LRRC37A: variants seen among roughly 807,000 people sequenced by gnomAD.
LRRC37A encodes leucine-rich repeat-containing protein 37A.
In LRRC37A, 3 loss-of-function variants were observed where a neutral mutation model predicts 35.4. The ratio of observed to expected loss-of-function variants is 0.08; its 90% confidence interval spans 0.04 to 0.22. LRRC37A has a LOEUF of 0.22. Ranked by LOEUF, LRRC37A falls within the 10% of genes least tolerant of loss-of-function variation. LRRC37A has a pLI of 1.00. For missense variants in LRRC37A, 67 were observed against 565.3 expected (o/e 0.12, Z 8.94); for synonymous variants, 23 against 215.0 (o/e 0.11, Z 7.81).
chr17:46,271,609 C>T, the LRRC37A span, among the ~76,000 whole-genome samples: 1 of 152,156 alleles, frequency 6.6e-6, no homozygotes, highest in Admixed American at 6.5e-5. Flanking sequence ...GAGAGTTTGC[C>T]TAAAGGAATT....
At chr17:46,289,783 T>C (rs1448042205), upstream of LRRC37A, among the ~76,000 whole-genome samples, 1 of 152,284 alleles carries the variant, frequency 6.6e-6, no homozygotes, top group Non-Finnish European at 1.5e-5. Context: ...AAAGAGTTTT[T>C]AATTTTTTTA....
chr17:46,264,142 C>A, the LRRC37A span, among the ~76,000 whole-genome samples: 1 of 146,278 alleles, frequency 6.8e-6, no homozygotes, highest in African/African-American at 2.5e-5. Context: ...ACCACCTCAG[C>A]TGACTTTTTT....
the LRRC37A span, chr17:46,259,824 C>T: frequency 1.1e-5 from 17 of 1,559,390 alleles, no homozygotes; most frequent in South Asian, 1.2e-5. Context: ...TTCGTTGGCA[C>T]AGCAACTGCA....
the LRRC37A span, among the ~76,000 whole-genome samples, chr17:46,277,653 C>CT: frequency 0.016 from 2,153 of 137,796 alleles, 44 homozygotes; most frequent in African/African-American, 0.043. Context: ...TTCTTTCTTT[C>CT]TTTTTTTTTT....
chr17:46,274,424 T>G, the LRRC37A span, among the ~76,000 whole-genome samples: 30 of 152,354 alleles, frequency 2.0e-4, no homozygotes, highest in African/African-American at 7.2e-4. Flanking sequence ...TTGATTTTAA[T>G]CTACCATGAA....
the LRRC37A span, among the ~76,000 whole-genome samples, chr17:46,249,780 A>C: frequency 1.3e-5 from 2 of 152,242 alleles, no homozygotes; most frequent in African/African-American, 4.8e-5. Flanking sequence ...TGTCAGAGCC[A>C]GATGGCTGTC....
At chr17:46,286,373 T>C in the LRRC37A span, among the ~76,000 whole-genome samples, 1 of 152,228 alleles carries the variant, frequency 6.6e-6, no homozygotes, top group Non-Finnish European at 1.5e-5. Context: ...AAGTCACAAA[T>C]CTTTCAACTA....
At chr17:46,325,076 T>C (rs1458038736) in intron 7 of LRRC37A, among the ~76,000 whole-genome samples, 1 of 73,202 alleles carries the variant, frequency 1.4e-5, no homozygotes, top group Non-Finnish European at 4.1e-5. Context: ...GTCAGGTCAC[T>C]TTCTTATCTT....
upstream of LRRC37A, among the ~76,000 whole-genome samples, chr17:46,291,081 A>C (rs1482526169): frequency 2.0e-5 from 3 of 152,242 alleles, no homozygotes; most frequent in African/African-American, 7.2e-5. Context: ...GTCAAAAGAG[A>C]AGCAATGTGA....
chr17:46,260,520 C>G, the LRRC37A span: 1 of 1,606,106 alleles, frequency 6.2e-7, no homozygotes, highest in South Asian at 1.1e-5. Context: ...TTCACCTGCA[C>G]CAGGCGATGC....
the LRRC37A span, among the ~76,000 whole-genome samples, chr17:46,284,166 G>A: frequency 3.2e-4 from 49 of 152,338 alleles, no homozygotes; most frequent in African/African-American, 1.1e-3. Flanking sequence ...ACCCTTTAAG[G>A]GTGTCAGGCT....
chr17:46,334,891 T>C (rs1419082878), intron 10 of LRRC37A: 1 of 131,264 alleles, frequency 7.6e-6, no homozygotes, highest in Non-Finnish European at 1.7e-5. Context: ...AAGTACAATA[T>C]AACAACTGTC....
chr17:46,284,738 A>T, the LRRC37A span, among the ~76,000 whole-genome samples: 7 of 152,374 alleles, frequency 4.6e-5, no homozygotes, highest in African/African-American at 1.7e-4. Context: ...ATTAATGATG[A>T]GGTGGCAGAG....
chr17:46,268,416 A>G, the LRRC37A span: 13 of 981,588 alleles, frequency 1.3e-5, no homozygotes, highest in African/African-American at 2.4e-4. Flanking sequence ...AGTAGATTGC[A>G]GCTTAGGTAT....
chr17:46,289,419 C>T (rs2050007331), upstream of LRRC37A, among the ~76,000 whole-genome samples: 2 of 150,616 alleles, frequency 1.3e-5, no homozygotes, highest in South Asian at 2.1e-4. Context: ...GATCTGCCTG[C>T]CTTTGCCTCC....
At chr17:46,287,580 T>C in the LRRC37A span, among the ~76,000 whole-genome samples, 4 of 152,376 alleles carry the variant, frequency 2.6e-5, no homozygotes, top group South Asian at 2.1e-4. Context: ...GAATAAACAT[T>C]GGAATTTAAT....
the LRRC37A span, among the ~76,000 whole-genome samples, chr17:46,276,434 C>T: frequency 4.6e-5 from 7 of 152,150 alleles, no homozygotes; most frequent in African/African-American, 1.2e-4. Context: ...TTTTGGATTA[C>T]GTAATCACAA....
At chr17:46,285,713 T>C in the LRRC37A span, among the ~76,000 whole-genome samples, 1 of 152,240 alleles carries the variant, frequency 6.6e-6, no homozygotes, top group African/African-American at 2.4e-5. Context: ...GTAAAGCTCA[T>C]GACACTGGTA....
the LRRC37A span, among the ~76,000 whole-genome samples, chr17:46,265,381 TTTCTC>T: frequency 9.3e-5 from 12 of 129,598 alleles, no homozygotes; most frequent in South Asian, 2.2e-4. Context: ...TCCTTCTTCT[TTTCTC>T]TTCCTTCTCC....
Sources: allele counts gnomAD v4.1 joint callset (sites outside exome capture counted in the v4.1 genomes callset), GRCh38; gene constraint gnomAD v4.1.1; transcripts MANE v1.5; gene names NCBI Gene and HGNC (gene_info 2026-07-23, HGNC 2026-07-21).